The following THSD7B variants were observed in gnomAD, a reference collection of about 807,000 sequenced individuals.
THSD7B encodes thrombospondin type-1 domain-containing protein 7B.
THSD7B carries 138 observed loss-of-function variants against 213.6 expected under a neutral mutation model. That is an observed-to-expected ratio of 0.65 (90% CI 0.56 to 0.74). The LOEUF is 0.74. Among genes scored for constraint, THSD7B ranks in the 30% least tolerant of loss-of-function variants. The pLI, the probability that THSD7B is intolerant of heterozygous loss-of-function variation, is 0.00. For missense variants in THSD7B, 1,931 were observed against 1,991.5 expected, an observed-to-expected ratio of 0.97 and a Z score of 0.58; for synonymous variants, 742 against 687.0, an observed-to-expected ratio of 1.08 and a Z score of -1.25.
At chr2:137,021,964 G>A (rs1184310796) in intron 2 of THSD7B, among the ~76,000 whole-genome samples, 1 of 152,094 alleles carries the variant, frequency 6.6e-6, no homozygotes, top group East Asian at 1.9e-4. Context: ...TAGTGCATGA[G>A]TCATTTGAAT....
intron 15 of THSD7B, among the ~76,000 whole-genome samples, chr2:137,476,344 T>C (rs1456213735): frequency 6.6e-6 from 1 of 152,160 alleles, no homozygotes; most frequent in Non-Finnish European, 1.5e-5. Context: ...TGTTTATTTT[T>C]TTTCTTTTTG....
At chr2:136,826,231 GTC>G (rs1682644994) in intron 1 of THSD7B, among the ~76,000 whole-genome samples, 2 of 152,176 alleles carry the variant, frequency 1.3e-5, no homozygotes, top group South Asian at 4.1e-4. Context: ...GAAATAAGGA[GTC>G]TCTGTTTAAT....
At chr2:137,400,235 G>C (rs1330350881) in intron 12 of THSD7B, among the ~76,000 whole-genome samples, 3 of 151,616 alleles carry the variant, frequency 2.0e-5, no homozygotes, top group Non-Finnish European at 2.9e-5. Context: ...TTTCTTTTTA[G>C]CTAGCATCTA....
chr2:136,810,402 G>GAC (rs1455819013), intron 1 of THSD7B, among the ~76,000 whole-genome samples: 2 of 152,180 alleles, frequency 1.3e-5, no homozygotes, highest in African/African-American at 4.8e-5. Context: ...GTCACTAAGT[G>GAC]TAAAAAGAGA....
chr2:137,225,576 T>G (rs775711126), intron 7 of THSD7B, among the ~76,000 whole-genome samples: 4 of 152,148 alleles, frequency 2.6e-5, no homozygotes, highest in Non-Finnish European at 5.9e-5. Flanking sequence ...GAGAAAGTTT[T>G]TTAACTTCTT....
At chr2:137,109,833 G>C (rs1032798391) in intron 4 of THSD7B, among the ~76,000 whole-genome samples, 1 of 152,146 alleles carries the variant, frequency 6.6e-6, no homozygotes, top group Non-Finnish European at 1.5e-5. Context: ...TGTGGCTCGG[G>C]TGTTAGGGAC....
In THSD7B at chr2:137,160,196, A is replaced by T; in HGVS notation, c.1370-17A>T. 6.2e-7 allele frequency: 1 copy of T among 1,605,990 alleles called. No homozygotes were observed. The highest frequency in any genetic ancestry group is 1.1e-5 in the South Asian group (1 of 89,328). On this transcript the variant is annotated splice_polypyrimidine_tract_variant and intron_variant, in intron 5 of 27. Transcript: ENST00000409968. ...TCCAGAGAATGTGACATGGTCCGTT[A>T]TCTTTTTGTCCCTCAGTCTCTAGAC...
At chr2:137,289,353 AAAGAAGTGTATTACATTTTTTTTTCTTTT>A (rs923851330) in intron 12 of THSD7B, among the ~76,000 whole-genome samples, 1 of 151,848 alleles carries the variant, frequency 6.6e-6, no homozygotes, top group Non-Finnish European at 1.5e-5. Context: ...TTGCAGCAAT[AAAGAAGTGTATTACATTTTTTTTTCTTTT>A]AAGTAACAGA....
chr2:137,485,337 T>C (rs1688409732), intron 15 of THSD7B, among the ~76,000 whole-genome samples: 1 of 149,756 alleles, frequency 6.7e-6, no homozygotes, highest in Non-Finnish European at 1.5e-5. Flanking sequence ...GTTGTAGATA[T>C]GCGGCATTAT....
chr2:136,931,056 C>T (rs1024786409), intron 2 of THSD7B, among the ~76,000 whole-genome samples: 5 of 152,020 alleles, frequency 3.3e-5, no homozygotes, highest in African/African-American at 1.2e-4. Context: ...CTTCTAGTCA[C>T]GAGGCCATAA....
At chr2:137,546,404 T>TTA (rs1244183370) in intron 15 of THSD7B, among the ~76,000 whole-genome samples, 1 of 39,820 alleles carries the variant, frequency 2.5e-5, no homozygotes, top group Non-Finnish European at 3.8e-5. Context: ...ATTATATATA[T>TTA]TATATATATA....
chr2:136,956,435 C>G (rs909271061), intron 2 of THSD7B, among the ~76,000 whole-genome samples: 3 of 152,022 alleles, frequency 2.0e-5, no homozygotes, highest in Non-Finnish European at 2.9e-5. Context: ...CCCCGTGTCT[C>G]TCTTTTGTAT....
intron 1 of THSD7B, among the ~76,000 whole-genome samples, chr2:136,869,309 C>T (rs1683392654): frequency 6.6e-6 from 1 of 152,112 alleles, no homozygotes; most frequent in African/African-American, 2.4e-5. Flanking sequence ...AAGAGACATT[C>T]CTAAAGTTAT....
chr2:137,431,025 T>C (rs1035707508), intron 14 of THSD7B, among the ~76,000 whole-genome samples: 1 of 152,148 alleles, frequency 6.6e-6, no homozygotes, highest in African/African-American at 2.4e-5. Flanking sequence ...CTATAAAATA[T>C]TTGAAGAGTT....
At chr2:137,469,631 A>G (rs1688055463) in intron 15 of THSD7B, among the ~76,000 whole-genome samples, 1 of 152,228 alleles carries the variant, frequency 6.6e-6, no homozygotes, top group African/African-American at 2.4e-5. Context: ...TTGATATGCA[A>G]AAGTATAAAA....
intron 2 of THSD7B, among the ~76,000 whole-genome samples, chr2:136,944,481 G>A (rs548923361): frequency 1.1e-3 from 169 of 152,232 alleles, no homozygotes; most frequent in African/African-American, 4.0e-3. Context: ...TGACAGTGGG[G>A]TGTTAAAGTC....
intron 15 of THSD7B, among the ~76,000 whole-genome samples, chr2:137,489,420 CA>C (rs113418344): frequency 4.0e-5 from 5 of 126,022 alleles, no homozygotes; most frequent in East Asian, 2.3e-4. Context: ...GACTCCATCT[CA>C]AAAAAAAAAG....
At position 136,980,520 on chromosome 2, in the gene THSD7B, G is replaced by T. The variant is rs560935717; in HGVS notation, c.140-75900G>T. On this transcript the variant is annotated intron_variant, in intron 2 of 27. Transcript: ENST00000409968. Reference sequence around the variant, plus strand: ...ATCTGGGTCCCACCTAAAGAAGCCCGGCCACGATCTGTCACAGCTGCTGTG... The same window carrying T: ...ATCTGGGTCCCACCTAAAGAAGCCCTGCCACGATCTGTCACAGCTGCTGTG... Among the ~76,000 whole-genome samples the T allele has an allele frequency of 3.9e-5, 6 of 152,238 alleles. No individual in the cohort carries two copies. The South Asian group carries it at 1.2e-3, about 32-fold the overall frequency.
chr2:137,263,057 A>T (rs1682489883), intron 10 of THSD7B, among the ~76,000 whole-genome samples: 1 of 152,124 alleles, frequency 6.6e-6, no homozygotes, highest in Non-Finnish European at 1.5e-5. Flanking sequence ...GTGGTTGGGG[A>T]TAGAAAGCTG....
Sources: allele counts gnomAD v4.1 joint callset (sites outside exome capture counted in the v4.1 genomes callset), GRCh38; gene constraint gnomAD v4.1.1; transcripts MANE v1.5; gene names NCBI Gene and HGNC (gene_info 2026-07-23, HGNC 2026-07-21).